Variants in EML1 observed in about 807,000 individuals in gnomAD.
EML1 encodes the protein EMAP like 1, also known as echinoderm microtubule-associated protein-like 1.
A neutral mutation model predicts 110.4 loss-of-function variants in EML1; 27 were observed. The observed-to-expected ratio is 0.24, with a 90% CI of 0.18 to 0.34. EML1 has a LOEUF of 0.34. EML1 is among the 10% of genes least tolerant of loss of function. The probability of loss-of-function intolerance (pLI) is 1.00; values close to 1 mark genes in which losing one functional copy is unlikely to be tolerated. For missense variants in EML1, 741 were observed against 1,030.9 expected (o/e 0.72, Z 3.85); for synonymous variants, 344 against 385.8 (o/e 0.89, Z 1.27).
chr14:99,939,849 A>C lies in EML1; in HGVS notation c.2323-138A>C. 5 of 1,102,966 alleles carry C rather than the reference A, an allele frequency of 4.5e-6. No individual in the cohort carries two copies. Among genetic ancestry groups the C allele is most frequent in the South Asian group, 3.8e-5 (2 of 52,060 alleles). The allele number at this position is 1,102,966 out of a possible 1,614,324, so 68.3% of individuals were successfully genotyped here. A position where few individuals can be genotyped will look rare whatever the true frequency, so the allele number is the denominator to read the frequency against. ...TGTGTCCCTTCTGTGTCACACACAGAGCAGGTTCCCAAGTGAGAGCTGCCG... is the reference window on the plus strand; with the variant it reads ...TGTGTCCCTTCTGTGTCACACACAGCGCAGGTTCCCAAGTGAGAGCTGCCG... On this transcript the variant is annotated intron_variant, in intron 21 of 21. Transcript: ENST00000262233. The surrounding 1 kb of genome is among the most constrained non-coding windows in gnomAD (Gnocchi z 4.2).
At chr14:99,892,927 A>G (rs1207954181) in intron 5 of EML1, among the ~76,000 whole-genome samples, 1 of 151,946 alleles carries the variant, frequency 6.6e-6, no homozygotes, top group Non-Finnish European at 1.5e-5. Flanking sequence ...TTAGCTGTCA[A>G]CTCCAGTCTC....
intron 1 of EML1, among the ~76,000 whole-genome samples, chr14:99,816,753 C>G (rs1284958256): frequency 6.6e-6 from 1 of 152,240 alleles, no homozygotes; most frequent in Non-Finnish European, 1.5e-5. Flanking sequence ...ATGGCAGATG[C>G]CTCAGAGAAG....
intron 1 of EML1, among the ~76,000 whole-genome samples, chr14:99,801,640 A>G (rs934055477): frequency 6.6e-6 from 1 of 151,578 alleles, no homozygotes; most frequent in African/African-American, 2.4e-5. Flanking sequence ...AAATTCTCCT[A>G]GTAATCATTT....
intron 13 of EML1, among the ~76,000 whole-genome samples, chr14:99,912,660 A>G (rs1156732632): frequency 6.6e-6 from 1 of 152,232 alleles, no homozygotes; most frequent in Admixed American, 6.5e-5. Context: ...TTTGGAAATC[A>G]CTTCCCCTTG....
intron 4 of EML1, among the ~76,000 whole-genome samples, chr14:99,890,753 A>G (rs1173213359): frequency 6.6e-6 from 1 of 152,182 alleles, no homozygotes; most frequent in Non-Finnish European, 1.5e-5. Flanking sequence ...GTCTTCCGAG[A>G]ACAGCCATCT....
chr14:99,850,400 G>A (rs754023645), intron 1 of EML1: 79 of 1,244,962 alleles, frequency 6.3e-5, no homozygotes, highest in Non-Finnish European at 8.0e-5. Context: ...ATCCTTCAGA[G>A]TCTTGACCGA....
chr14:99,798,473 A>G (rs1351579532), intron 1 of EML1, among the ~76,000 whole-genome samples: 2 of 149,822 alleles, frequency 1.3e-5, no homozygotes, highest in Admixed American at 6.6e-5. Context: ...CCTCACTAAA[A>G]CCTCCGCCCC....
chr14:99,790,630 A>G (rs2057653879), upstream of EML1, among the ~76,000 whole-genome samples: 1 of 152,220 alleles, frequency 6.6e-6, no homozygotes, highest in Non-Finnish European at 1.5e-5. Flanking sequence ...AGTGGAATAG[A>G]GAGAGCATGA....
intron 5 of EML1, among the ~76,000 whole-genome samples, chr14:99,892,406 A>G (rs969398549): frequency 1.3e-5 from 2 of 152,140 alleles, no homozygotes; most frequent in African/African-American, 4.8e-5. Context: ...CCCAATTGGT[A>G]TTGGCTGACT....
upstream of EML1, among the ~76,000 whole-genome samples, chr14:99,789,445 G>A (rs1288254907): frequency 6.6e-6 from 1 of 152,174 alleles, no homozygotes; most frequent in African/African-American, 2.4e-5. Flanking sequence ...CTGACCTCAG[G>A]TGATCCACCC....
At chr14:99,747,721 G>A (rs866087354) in intron 1 of EML1, among the ~76,000 whole-genome samples, 1 of 152,116 alleles carries the variant, frequency 6.6e-6, no homozygotes, top group East Asian at 1.9e-4. Context: ...CTCTGCAGGG[G>A]CTCGGAGTAA....
At chr14:99,823,568 C>T (rs7159284) in intron 1 of EML1, among the ~76,000 whole-genome samples, 39,442 of 151,922 alleles carry the variant, frequency 0.26, 6,361 homozygotes, top group South Asian at 0.48. Flanking sequence ...GAGCCTGGAC[C>T]GTGAAAGTGC....
At position 99,743,001 on chromosome 14, in the gene EML1, C is replaced by T. The variant is rs562561189; in HGVS notation, c.28+5141C>T. Among the ~76,000 whole-genome samples, 26 of 152,302 alleles carry T rather than the reference C, an allele frequency of 1.7e-4. No homozygotes were observed. In the South Asian group the frequency reaches 1.9e-3, roughly 11 times the overall value. On this transcript the variant is annotated intron_variant, in intron 1 of 10. Coordinates refer to the EML1 transcript ENST00000554479. The stretch of plus-strand genomic sequence containing the variant: ...CTCAGCAGCATCCAGCGACCTCTCA[C>T]GAGAGGCTGGGCACCGGGTGGGGAC...
At chr14:99,896,147 G>A (rs1476690369) in intron 6 of EML1, among the ~76,000 whole-genome samples, 1 of 151,852 alleles carries the variant, frequency 6.6e-6, no homozygotes, top group East Asian at 1.9e-4. Flanking sequence ...TTCAGTCTAT[G>A]CAGATTTTAA....
chr14:99,923,878 G>A (rs1047124056), intron 17 of EML1, among the ~76,000 whole-genome samples: 5 of 152,102 alleles, frequency 3.3e-5, no homozygotes, highest in South Asian at 2.1e-4. Context: ...GGTCTCAAAC[G>A]CCTGGTCTCC....
At chr14:99,843,082 C>T (rs1428538455) in intron 1 of EML1, among the ~76,000 whole-genome samples, 2 of 152,090 alleles carry the variant, frequency 1.3e-5, no homozygotes, top group Non-Finnish European at 2.9e-5. Flanking sequence ...AATGAGACCC[C>T]ATCTCTATAA....
intron 8 of EML1, among the ~76,000 whole-genome samples, chr14:99,899,825 A>C (rs1183278381): frequency 3.9e-5 from 6 of 152,030 alleles, no homozygotes; most frequent in African/African-American, 1.5e-4. Flanking sequence ...CTGGCATTGA[A>C]ATTGAATCGG....
At chr14:99,792,734 C>G (rs775308148), upstream of EML1, 1 of 152,264 alleles carries the variant, frequency 6.6e-6, no homozygotes, top group East Asian at 1.9e-4. Flanking sequence ...CAGCCTGGTA[C>G]CAGGATAGCC....
At chr14:99,876,779 T>C (rs986741723) in intron 3 of EML1, among the ~76,000 whole-genome samples, 1 of 152,160 alleles carries the variant, frequency 6.6e-6, no homozygotes, top group African/African-American at 2.4e-5. Context: ...CCTCCTCCTT[T>C]TTTGCTTACA....
Sources: allele counts gnomAD v4.1 joint callset (sites outside exome capture counted in the v4.1 genomes callset), GRCh38; gene constraint gnomAD v4.1.1; non-coding constraint Gnocchi (gnomAD v3.1); transcripts MANE v1.5; gene names NCBI Gene and HGNC (gene_info 2026-07-23, HGNC 2026-07-21).